Variants in PEMT observed in about 807,000 individuals in gnomAD.
PEMT encodes the protein phosphatidylethanolamine N-methyltransferase.
In PEMT, 23 loss-of-function variants were observed where a neutral mutation model predicts 27.4. That is an observed-to-expected ratio of 0.84 (90% CI 0.60 to 1.19). The LOEUF is 1.19. PEMT is among the 50% of genes most tolerant of loss of function. PEMT has a pLI of 0.00. For missense variants in PEMT, 307 were observed against 310.1 expected (o/e 0.99, Z 0.07); for synonymous variants, 137 against 139.1 (o/e 0.98, Z 0.11).
At chr17:17,548,744 C>T (rs1216736954) in intron 2 of PEMT, among the ~76,000 whole-genome samples, 1 of 152,182 alleles carries the variant, frequency 6.6e-6, no homozygotes, top group Non-Finnish European at 1.5e-5. Flanking sequence ...GATGGGGTTT[C>T]TCCATGTTGA....
At chr17:17,575,422 A>G (rs1447204087) in intron 2 of PEMT, among the ~76,000 whole-genome samples, 1 of 152,266 alleles carries the variant, frequency 6.6e-6, no homozygotes, top group East Asian at 1.9e-4. Flanking sequence ...ACGTCTTTGC[A>G]GGACCATTTT....
chr17:17,577,453 G>A, intron 1 of PEMT: 4 of 1,038,392 alleles, frequency 3.9e-6, no homozygotes, highest in Non-Finnish European at 4.7e-6. Flanking sequence ...ATAGTGGTGT[G>A]CCTCTCCTCG....
At chr17:17,533,983 C>T (rs7216223) in intron 2 of PEMT, among the ~76,000 whole-genome samples, 20,116 of 152,080 alleles carry the variant, frequency 0.13, 2,389 homozygotes, top group African/African-American at 0.32. Flanking sequence ...CCACTCACCT[C>T]GGCCTCGCAA....
Position 17,577,171 on chromosome 17 carries a change from C to A in PEMT, c.97-144G>T, listed in dbSNP as rs1052784689. ...CCGGCAAAGGTTACTACAGTGTAGT[C>A]TCATAAAAGGGAAGATAAAAAGCTG... On this transcript the variant is annotated intron_variant, in intron 1 of 6. Transcript: ENST00000255389. The A allele has an allele frequency of 6.1e-6, 4 of 650,754 alleles. No individual in the cohort carries two copies. The East Asian group carries it at 1.1e-4, about 18-fold the overall frequency. 40.3% of individuals were successfully genotyped at this position (650,754 alleles called of 1,614,324 possible).
chr17:17,537,552 C>T (rs1244445474), intron 2 of PEMT, among the ~76,000 whole-genome samples: 1 of 152,252 alleles, frequency 6.6e-6, no homozygotes, highest in African/African-American at 2.4e-5. Context: ...CAGGCGAGAT[C>T]CCCTGTGTGT....
chr17:17,546,473 G>A (rs1484378591), intron 2 of PEMT, among the ~76,000 whole-genome samples: 3 of 152,262 alleles, frequency 2.0e-5, no homozygotes, highest in Non-Finnish European at 4.4e-5. Context: ...CTGGTGGGGG[G>A]TGCAGTGGGC....
Position 17,505,869 on chromosome 17 carries a change from G to A in PEMT, c.654-21C>T, listed in dbSNP as rs762725290. ...AGGGCCTGCCGGGCAGCGGGGAGAG[G>A]CTTCGGTCAGCAGGTCCTGGGGGTG... On this transcript the variant is annotated intron_variant, in intron 6 of 6. Coordinates refer to ENST00000255389, the MANE Select transcript of PEMT (RefSeq NM_148172.3). 9 of 1,603,186 alleles carry A rather than the reference G, an allele frequency of 5.6e-6. No homozygotes were observed. In the East Asian group the frequency reaches 2.0e-4, roughly 36 times the overall value.
intron 3 of PEMT, among the ~76,000 whole-genome samples, chr17:17,515,682 TAAGCCAGGA>T (rs968906739): frequency 1.3e-5 from 2 of 152,146 alleles, no homozygotes; most frequent in African/African-American, 4.8e-5. Flanking sequence ...GCTCCTCCAT[TAAGCCAGGA>T]AAGCACAGTC....
intron 2 of PEMT, among the ~76,000 whole-genome samples, chr17:17,533,518 T>C (rs1908250031): frequency 6.6e-6 from 1 of 152,230 alleles, no homozygotes; most frequent in Non-Finnish European, 1.5e-5. Flanking sequence ...CTTCAAATGA[T>C]TCTATCATGA....
chr17:17,576,983 G>C lies in PEMT; in HGVS notation c.141C>G (p.Pro47=), dbSNP rs376661109. Residue 47 remains proline, a synonymous_variant, in exon 2 of 7, where the codon CCC becomes CCG. Transcript: ENST00000255389. ...CGGCAGCCACAAAGCTGGGATCCAG[G>C]GGGTCCACGTAGCCCAGCAGCCGGG... ...VMTRLLGYVD[P]LDPSFVAAVI... is the part of the protein sequence containing the mutation. 5 of 1,613,988 alleles carry C rather than the reference G, an allele frequency of 3.1e-6. No individual in the cohort carries two copies. The African/African-American group carries it at 6.7e-5, about 22-fold the overall frequency.
rs1905794469 is a variant in PEMT at position 17,505,953 on chromosome 17, G to A, written c.654-105C>T. ...AGCTTGAGGGTGTCCAGATGGGACC[G>A]GGATCCCCTTCATCCCCCAGAGCCA... On this transcript the variant is annotated intron_variant, in intron 6 of 6. Transcript: ENST00000255389. The A allele has an allele frequency of 2.9e-5, 42 of 1,432,922 alleles. 1 individual carries two copies. Among genetic ancestry groups the A allele is most frequent in the South Asian group, 1.5e-4 (10 of 67,672 alleles). The allele number at this position is 1,432,922 out of a possible 1,614,324, so 88.8% of individuals were successfully genotyped here.
chr17:17,518,462 AGGTCTGTGCTAATG>A (rs1907011861), intron 3 of PEMT, among the ~76,000 whole-genome samples: 1 of 152,208 alleles, frequency 6.6e-6, no homozygotes, highest in Non-Finnish European at 1.5e-5. Context: ...CAGAGCAAAC[AGGTCTGTGCTAATG>A]GCCCCTTCGG....
intron 5 of PEMT, chr17:17,507,245 G>A (rs1258527023): frequency 4.1e-6 from 6 of 1,467,780 alleles, no homozygotes; most frequent in Middle Eastern, 3.4e-4. Flanking sequence ...AGGAAGGAGA[G>A]GGAGGAAAGG....
chr17:17,587,832 C>T (rs1278825724), intron 1 of PEMT, among the ~76,000 whole-genome samples: 2 of 152,156 alleles, frequency 1.3e-5, no homozygotes, highest in African/African-American at 2.4e-5. Context: ...GCTGGTATCA[C>T]GCCACTGCAT....
At chr17:17,571,872 G>A (rs1567739939) in intron 2 of PEMT, among the ~76,000 whole-genome samples, 1 of 152,112 alleles carries the variant, frequency 6.6e-6, no homozygotes, top group African/African-American at 2.4e-5. Flanking sequence ...GCTAAATTTT[G>A]TATTTTTACA....
chr17:17,546,371 G>A (rs922333101), intron 2 of PEMT, among the ~76,000 whole-genome samples: 1 of 152,338 alleles, frequency 6.6e-6, no homozygotes, highest in Middle Eastern at 3.4e-3. Flanking sequence ...GAACCCACCA[G>A]GCAGAATCAA....
chr17:17,589,863 G>T (rs1215484108), intron 1 of PEMT, among the ~76,000 whole-genome samples: 2 of 152,180 alleles, frequency 1.3e-5, no homozygotes, highest in Admixed American at 1.3e-4. Flanking sequence ...GTCAACAAGG[G>T]TCACCCTGAC....
At chr17:17,579,485 C>A (rs1187773826) in intron 1 of PEMT, among the ~76,000 whole-genome samples, 2 of 152,144 alleles carry the variant, frequency 1.3e-5, no homozygotes, top group Non-Finnish European at 2.9e-5. Flanking sequence ...TGAGACCAGC[C>A]TGGCCAACAT....
intron 2 of PEMT, among the ~76,000 whole-genome samples, chr17:17,563,716 C>T (rs1179969120): frequency 6.6e-6 from 1 of 152,202 alleles, no homozygotes; most frequent in Admixed American, 6.5e-5. Context: ...ACACCAAGCT[C>T]CTCAGCCAAC....
Sources: gnomAD v4.1 joint callset for allele counts (sites outside exome capture counted in the v4.1 genomes callset) on GRCh38, gnomAD v4.1.1 for gene constraint, MANE v1.5 for transcripts, NCBI Gene and HGNC (gene_info 2026-07-23, HGNC 2026-07-21) for gene names.